Variants in DSCAML1 observed in about 807,000 individuals in gnomAD.
DSCAML1 encodes cell adhesion molecule DSCAML1.
DSCAML1 carries 38 observed loss-of-function variants against 200.5 expected under a neutral mutation model. The observed-to-expected ratio is 0.19, with a 90% confidence interval of 0.15 to 0.25. DSCAML1 has a LOEUF of 0.25. Ranked by LOEUF, DSCAML1 falls within the 10% of genes least tolerant of loss-of-function variation. DSCAML1 has a pLI of 1.00. For synonymous variants in DSCAML1, 1,215 were observed against 1,165.0 expected (o/e 1.04, Z -0.87); for missense variants, 2,223 against 2,858.8 (o/e 0.78, Z 5.07).
At chr11:117,736,239 G>C (rs561824998) in intron 3 of DSCAML1, among the ~76,000 whole-genome samples, 1 of 152,308 alleles carries the variant, frequency 6.6e-6, no homozygotes, top group East Asian at 1.9e-4. Flanking sequence ...GCTGGTGCTG[G>C]AGAATTTGCG....
chr11:117,661,405 AGT>A (rs2052846904), intron 3 of DSCAML1, among the ~76,000 whole-genome samples: 1 of 152,236 alleles, frequency 6.6e-6, no homozygotes, highest in Admixed American at 6.5e-5. Context: ...GTGAATACAC[AGT>A]GTACCGTTAC....
chr11:117,683,754 C>T (rs1304213960), intron 3 of DSCAML1, among the ~76,000 whole-genome samples: 2 of 152,188 alleles, frequency 1.3e-5, no homozygotes, highest in African/African-American at 4.8e-5. Context: ...TCCTCATATA[C>T]AATGTGGGAG....
In DSCAML1 at chr11:117,526,807, T is replaced by C. The variant is rs139183614; in HGVS notation, c.659-1724A>G. 3.1e-3 allele frequency among the ~76,000 whole-genome samples: 465 copies of C among 151,860 alleles called. 2 individuals are homozygous for C. The highest frequency in any genetic ancestry group is 0.011 in the African/African-American group (442 of 41,460). On this transcript the variant is annotated intron_variant, in intron 4 of 32. Transcript: ENST00000651296. ...CTGAGATTACAGGCATGAGCCACCG[T>C]GCCCAGCTCAGAACTTCCCCTTCTT...
chr11:117,641,835 G>A (rs1038012256), intron 3 of DSCAML1, among the ~76,000 whole-genome samples: 1 of 152,158 alleles, frequency 6.6e-6, no homozygotes, highest in Non-Finnish European at 1.5e-5. Context: ...CATCTATGGT[G>A]CACCTACTGC....
intron 3 of DSCAML1, among the ~76,000 whole-genome samples, chr11:117,673,429 T>A (rs954952382): frequency 6.6e-6 from 1 of 152,170 alleles, no homozygotes; most frequent in Admixed American, 6.5e-5. Context: ...TTTCTTCCCA[T>A]CATGCTTGAG....
intron 3 of DSCAML1, among the ~76,000 whole-genome samples, chr11:117,641,579 G>A (rs1184070147): frequency 6.6e-6 from 1 of 152,204 alleles, no homozygotes; most frequent in Non-Finnish European, 1.5e-5. Context: ...GGAAGGGAAT[G>A]GAGGGACTCG....
At position 117,439,306 on chromosome 11, in the gene DSCAML1, A is replaced by G. The variant is rs11216387; in HGVS notation, c.4104T>C (p.Thr1368=). Residue 1368 remains threonine (T), a synonymous_variant, in exon 23 of 33, where the codon ACT becomes ACC. Transcript: ENST00000651296. ...SGYYTCTATN[T]GGFDTIIVNL... is the part of the protein sequence containing the mutation. ...TGACGATGATGGTGTCAAAGCCACC[A>G]GTGTTGGTGGCCGTGCACGTGTAGT... 230,026 of 1,613,902 alleles carry G rather than the reference A, an allele frequency of 0.14. 24,781 individuals are homozygous for G. Among genetic ancestry groups the G allele is most frequent in the East Asian group, 0.56 (24,918 of 44,856 alleles).
At chr11:117,700,337 G>A (rs1435217681) in intron 3 of DSCAML1, among the ~76,000 whole-genome samples, 2 of 152,118 alleles carry the variant, frequency 1.3e-5, no homozygotes, top group African/African-American at 4.8e-5. Flanking sequence ...CTGCAGCCCC[G>A]GGTCTCCTTC....
intron 3 of DSCAML1, among the ~76,000 whole-genome samples, chr11:117,649,888 T>G (rs1405713912): frequency 6.6e-6 from 1 of 152,188 alleles, no homozygotes; most frequent in African/African-American, 2.4e-5. Context: ...CTCCTTCCTC[T>G]GCTCATCGGA....
At chr11:117,609,291 TTTTCTTTCTTTC>T (rs140529856) in intron 3 of DSCAML1, among the ~76,000 whole-genome samples, 34 of 142,284 alleles carry the variant, frequency 2.4e-4, no homozygotes, top group Admixed American at 6.2e-4. Flanking sequence ...GTTGATTTTC[TTTTCTTTCTTTC>T]TTTCTTTCTT....
Position 117,432,227 on chromosome 11 carries a change from C to G in DSCAML1, c.5179+125G>C. 6 of 1,160,532 alleles carry G rather than the reference C, an allele frequency of 5.2e-6. No individual in the cohort carries two copies. In the South Asian group the frequency reaches 1.0e-4, roughly 20 times the overall value. The allele number at this position is 1,160,532 out of a possible 1,614,324, so 71.9% of individuals were successfully genotyped here. A position where few individuals can be genotyped will look rare whatever the true frequency, so the allele number is the denominator to read the frequency against. ...CTCCAGACGCTCATTCCAGTGCTTTCCATTTTTGCATTCTATTCCATTAAG... is the reference window on the plus strand; with the variant it reads ...CTCCAGACGCTCATTCCAGTGCTTTGCATTTTTGCATTCTATTCCATTAAG... On this transcript the variant is annotated intron_variant, in intron 30 of 32. Transcript: ENST00000651296.
At chr11:117,598,411 G>A (rs1456343666) in intron 3 of DSCAML1, among the ~76,000 whole-genome samples, 7 of 152,192 alleles carry the variant, frequency 4.6e-5, no homozygotes, top group Non-Finnish European at 1.0e-4. Flanking sequence ...AGCAAAGGAA[G>A]CATTAGAACT....
chr11:117,499,503 CTT>C (rs2137265064), intron 11 of DSCAML1, among the ~76,000 whole-genome samples: 1 of 152,254 alleles, frequency 6.6e-6, no homozygotes, highest in East Asian at 1.9e-4. Context: ...AGCACCCAGC[CTT>C]TTTACTCTGT....
rs114496322 is a variant in DSCAML1, at chr11:117,554,113, G to C, written c.512-21591C>G. ...GGTCCCTAGAGTAGTCCATTTCATA[G>C]AGACAGAAAGAAGAATGGTGGTTTC... On this transcript the variant is annotated intron_variant, in intron 3 of 32. Coordinates refer to ENST00000651296, the MANE Select transcript of DSCAML1 (RefSeq NM_020693.4). Among the ~76,000 whole-genome samples, 326 of 152,274 alleles carry C rather than the reference G, an allele frequency of 2.1e-3. 2 individuals are homozygous for C. The highest frequency in any genetic ancestry group is 7.6e-3 in the African/African-American group (317 of 41,564).
chr11:117,602,230 G>A (rs2051479480), intron 3 of DSCAML1, among the ~76,000 whole-genome samples: 1 of 152,224 alleles, frequency 6.6e-6, no homozygotes, highest in South Asian at 2.1e-4. Flanking sequence ...CTGACTTGGT[G>A]CCAGCCAAGA....
intron 3 of DSCAML1, among the ~76,000 whole-genome samples, chr11:117,712,589 G>A (rs944058447): frequency 1.6e-4 from 24 of 152,100 alleles, no homozygotes; most frequent in African/African-American, 5.8e-4. Context: ...TAATGATGGG[G>A]AATGGTATTT....
chr11:117,761,283 C>A (rs993525022), intron 3 of DSCAML1, among the ~76,000 whole-genome samples: 1 of 152,116 alleles, frequency 6.6e-6, no homozygotes, highest in African/African-American at 2.4e-5. Flanking sequence ...GACACCTGGC[C>A]GCCATAGGAG....
At chr11:117,684,640 T>C (rs975719592) in intron 3 of DSCAML1, among the ~76,000 whole-genome samples, 1 of 152,166 alleles carries the variant, frequency 6.6e-6, no homozygotes, top group African/African-American at 2.4e-5. Flanking sequence ...CTCCTGTCTT[T>C]GTGCTAGTTC....
chr11:117,650,936 C>A (rs2052619958), intron 3 of DSCAML1, among the ~76,000 whole-genome samples: 1 of 152,154 alleles, frequency 6.6e-6, no homozygotes, highest in Admixed American at 6.5e-5. Context: ...TGGGAGAGTA[C>A]AGGTAGTAAG....
Sources: gnomAD v4.1 joint callset for allele counts (sites outside exome capture counted in the v4.1 genomes callset) on GRCh38, gnomAD v4.1.1 for gene constraint, MANE v1.5 for transcripts, NCBI Gene and HGNC (gene_info 2026-07-23, HGNC 2026-07-21) for gene names.